The following MFSD11 variants were observed in gnomAD, a reference collection of about 807,000 sequenced individuals.
The protein encoded by MFSD11 is major facilitator superfamily domain containing 11.
MFSD11 carries 36 observed loss-of-function variants against 53.5 expected under a neutral mutation model. The observed-to-expected ratio is 0.67, with a 90% CI of 0.52 to 0.89. The LOEUF (loss-of-function observed/expected upper bound fraction) is 0.89. Among genes scored for constraint, MFSD11 ranks in the 40% least tolerant of loss-of-function variants. The probability of loss-of-function intolerance (pLI) is 0.00; values close to 1 mark genes in which losing one functional copy is unlikely to be tolerated. For missense variants in MFSD11, 530 were observed against 543.9 expected (o/e 0.97, Z 0.25); for synonymous variants, 186 against 184.9 (o/e 1.01, Z -0.05).
At chr17:76,757,401 A>T (rs192021941) in intron 8 of MFSD11, among the ~76,000 whole-genome samples, 15 of 152,300 alleles carry the variant, frequency 9.8e-5, no homozygotes, top group African/African-American at 1.4e-4. Context: ...GGGGCACAAC[A>T]GGAAGTCGTG....
intron 8 of MFSD11, among the ~76,000 whole-genome samples, chr17:76,766,254 T>C (rs972693626): frequency 6.6e-6 from 1 of 151,320 alleles, no homozygotes; most frequent in African/African-American, 2.4e-5. Flanking sequence ...CCTTCTCTAC[T>C]AAAAGTACAA....
chr17:76,803,614 G>A, the MFSD11 span, among the ~76,000 whole-genome samples: 1 of 151,940 alleles, frequency 6.6e-6, no homozygotes, highest in Non-Finnish European at 1.5e-5. Flanking sequence ...TATGGCCCCT[G>A]ACCTGGGAAT....
At chr17:76,751,383 T>C (rs1252970836) in intron 7 of MFSD11, among the ~76,000 whole-genome samples, 1 of 148,500 alleles carries the variant, frequency 6.7e-6, no homozygotes, top group Non-Finnish European at 1.5e-5. Flanking sequence ...GAGCGAGACA[T>C]TGTCTTAAGA....
At chr17:76,754,000 T>C (rs774833129) in intron 7 of MFSD11, 47 bp from the exon 8 acceptor site, 1 of 1,508,524 alleles carries the variant, frequency 6.6e-7, no homozygotes, top group Admixed American at 1.8e-5. Flanking sequence ...GTTTGTTCTT[T>C]TATTTTCAAA....
chr17:76,774,299 G>A (rs1385639948), intron 10 of MFSD11, among the ~76,000 whole-genome samples: 1 of 151,784 alleles, frequency 6.6e-6, no homozygotes, highest in Admixed American at 6.6e-5. Context: ...ATGTTGCTGA[G>A]GCTGGTTTGG....
upstream of MFSD11, chr17:76,736,662 G>A (rs1408333395): frequency 7.5e-6 from 9 of 1,206,972 alleles, no homozygotes; most frequent in African/African-American, 3.2e-5. Context: ...CGGGGTGGCC[G>A]GAGGGTCGCG....
intron 12 of MFSD11, among the ~76,000 whole-genome samples, chr17:76,777,529 C>T (rs1051247218): frequency 2.6e-5 from 4 of 152,200 alleles, no homozygotes; most frequent in African/African-American, 9.6e-5. Flanking sequence ...GCCACCGCCC[C>T]GGCTATATTG....
intron 7 of MFSD11, among the ~76,000 whole-genome samples, chr17:76,745,695 C>G (rs966640926): frequency 7.9e-5 from 12 of 152,146 alleles, no homozygotes; most frequent in African/African-American, 2.9e-4. Context: ...TCCCCCATCT[C>G]CCTCCCTCTT....
chr17:76,773,670 C>T (rs2144866319), intron 10 of MFSD11, among the ~76,000 whole-genome samples: 1 of 152,222 alleles, frequency 6.6e-6, no homozygotes, highest in South Asian at 2.1e-4. Flanking sequence ...TGCAGTGGCG[C>T]AATCTTGGCT....
At chr17:76,752,273 G>A (rs1475460095) in intron 7 of MFSD11, among the ~76,000 whole-genome samples, 3 of 151,994 alleles carry the variant, frequency 2.0e-5, no homozygotes, top group Non-Finnish European at 4.4e-5. Flanking sequence ...CTAATGTTAG[G>A]CACTTCCTTG....
rs758388874 is a variant in MFSD11, at chr17:76,774,994, T to C, written c.875-3T>C. The C allele has an allele frequency of 5.0e-6, 8 of 1,612,526 alleles. No individual in the cohort carries two copies. Among genetic ancestry groups the C allele is most frequent in the Non-Finnish European group, 5.9e-6 (7 of 1,179,234 alleles). The stretch of plus-strand genomic sequence containing the variant: ...GTGACGTTTCTGCCATCTTGACTTA[T>C]AGGTGGAAGCCTCTTCGGCCTGCTG... On this transcript the variant is annotated splice_region_variant and splice_polypyrimidine_tract_variant and intron_variant, in intron 10 of 12. Coordinates refer to ENST00000685175, the MANE Select transcript of MFSD11 (RefSeq NM_001242532.5).
At chr17:76,784,531 C>CAAA (rs371574339), downstream of MFSD11, among the ~76,000 whole-genome samples, 1 of 145,776 alleles carries the variant, frequency 6.9e-6, no homozygotes, top group African/African-American at 2.5e-5. Context: ...GACTCCATCT[C>CAAA]AAAAAAAAAA....
chr17:76,742,330 C>A (rs886639220), intron 5 of MFSD11, 57 bp downstream of exon 5: 1 of 1,430,322 alleles, frequency 7.0e-7, no homozygotes, highest in East Asian at 2.3e-5. Flanking sequence ...TCTGTCATAC[C>A]ATTTTTTAGG....
chr17:76,800,722 G>A, the MFSD11 span, among the ~76,000 whole-genome samples: 2 of 152,064 alleles, frequency 1.3e-5, no homozygotes, highest in African/African-American at 4.8e-5. Context: ...ACCTTAAGAT[G>A]TGTTTCTATG....
chr17:76,738,249 C>T lies in MFSD11; in HGVS notation c.-104C>T, dbSNP rs766894372. 2.7e-6 allele frequency: 2 copies of T among 743,148 alleles called. No homozygotes were observed. Among genetic ancestry groups the T allele is most frequent in the Admixed American group, 2.4e-5 (1 of 40,888 alleles). The allele number at this position is 743,148 out of a possible 1,614,324, so 46.0% of individuals were successfully genotyped here. ...TTGGCTGCCTGGCTCCTGCATCTGC[C>T]TTCTCCACTCACCATCTCATTTCTT... On this transcript the variant is annotated 5_prime_UTR_variant, in exon 1 of 13. Coordinates refer to ENST00000685175, the MANE Select transcript of MFSD11 (RefSeq NM_001242532.5).
chr17:76,759,825 G>C, intron 8 of MFSD11, among the ~76,000 whole-genome samples: 1 of 125,514 alleles, frequency 8.0e-6, no homozygotes, highest in Non-Finnish European at 1.6e-5. Flanking sequence ...ATGTTGGCCA[G>C]ACTGGTTTTG....
chr17:76,782,690 G>C (rs971814436), downstream of MFSD11, among the ~76,000 whole-genome samples: 7 of 150,904 alleles, frequency 4.6e-5, no homozygotes, highest in Non-Finnish European at 1.0e-4. Flanking sequence ...ATGTTGGCCA[G>C]GCTGGTCTCG....
chr17:76,769,760 T>G lies in MFSD11; in HGVS notation c.763T>G (p.Phe255Val). The change falls in exon 10 of 13, where the codon TTC becomes GTC. Residue 255 changes from phenylalanine (F) to valine (V), a missense_variant. Phe to Val is a conservative substitution (Grantham distance 50). Transcript: ENST00000685175. ...TTTAACTAAAGGTCTGGAATTAACT[T>G]TCTTCTCTGGTGTATATGGAACCTG... ...TTAYTGLELT[F>V]FSGVYGTCIG... is the part of the protein sequence containing the mutation. The G allele has an allele frequency of 6.3e-7, 1 of 1,598,110 alleles. No homozygotes were observed. Among genetic ancestry groups the G allele is most frequent in the Non-Finnish European group, 8.5e-7 (1 of 1,174,548 alleles).
intron 1 of MFSD11, 99 bp downstream of exon 1, chr17:76,738,547 G>T: frequency 1.2e-6 from 1 of 833,994 alleles, no homozygotes; most frequent in Admixed American, 2.9e-5. Context: ...CGCTTTAATT[G>T]CATCTTTCAT....
Sources: allele counts gnomAD v4.1 joint callset (sites outside exome capture counted in the v4.1 genomes callset), GRCh38; gene constraint gnomAD v4.1.1; transcripts MANE v1.5; gene names NCBI Gene and HGNC (gene_info 2026-07-23, HGNC 2026-07-21).